CUL4B: variants seen among roughly 807,000 people sequenced by gnomAD.
CUL4B encodes the protein cullin 4B.
In CUL4B, 1 loss-of-function variant was observed where a neutral mutation model predicts 69.2. That is an observed-to-expected ratio of 0.01 (90% CI 0.01 to 0.07). The LOEUF is 0.07. Ranked by LOEUF, CUL4B falls within the 10% of genes least tolerant of loss-of-function variation. The pLI, the probability that CUL4B is intolerant of heterozygous loss-of-function variation, is 1.00. For missense variants in CUL4B, 328 were observed against 638.8 expected (o/e 0.51, Z 5.24); for synonymous variants, 237 against 223.2 (o/e 1.06, Z -0.55).
chrX:120,569,742 C>A (rs1031444319), downstream of CUL4B, among the ~76,000 whole-genome samples: 2 of 111,201 alleles, frequency 1.8e-5, no homozygotes, highest in Admixed American at 9.6e-5. Flanking sequence ...ACTATGAGAA[C>A]GCAGAGGTGG....
downstream of CUL4B, among the ~76,000 whole-genome samples, chrX:120,570,927 T>G (rs1925691366): frequency 9.2e-6 from 1 of 108,786 alleles, no homozygotes; most frequent in South Asian, 4.0e-4. Flanking sequence ...TGATATGGTA[T>G]GCACCTGTAG....
At chrX:120,563,241 G>A (rs1191597082), upstream of CUL4B, among the ~76,000 whole-genome samples, 2 of 111,534 alleles carry the variant, frequency 1.8e-5, no homozygotes, top group East Asian at 2.8e-4. Flanking sequence ...TTTTCATTTT[G>A]TTTTGTTTTG....
At chrX:120,544,964 G>A (rs1924225806) in intron 5 of CUL4B, among the ~76,000 whole-genome samples, 1 of 112,248 alleles carries the variant, frequency 8.9e-6, no homozygotes, top group Non-Finnish European at 1.9e-5. Flanking sequence ...ACATAAAACA[G>A]TTTTCACTGT....
chrX:120,538,703 T>G lies in CUL4B; in HGVS notation c.1809A>C (p.Ala603=). 8.3e-7 allele frequency: 1 copy of G among 1,206,986 alleles called. No individual in the cohort carries two copies. The highest frequency in any genetic ancestry group is 1.1e-6 in the Non-Finnish European group (1 of 891,377). ...LAKRLLVGKS[A]SVDAEKSMLS... ...GCATTGATTTTTCAGCATCTACAGA[T>G]GCACTCTTTCCGACTAACAGGCGCT... The change falls in exon 13 of 20, where the codon GCA becomes GCC. Residue 603 remains alanine (A), a synonymous_variant. Coordinates refer to ENST00000371322, the MANE Select transcript of CUL4B (RefSeq NM_001079872.2).
Position 120,538,756 on chromosome X carries a change from C to T in CUL4B, c.1756G>A (p.Glu586Lys). The T allele has an allele frequency of 8.4e-7, 1 of 1,189,322 alleles. No homozygotes were observed. The highest frequency in any genetic ancestry group is 1.1e-6 in the Non-Finnish European group (1 of 876,093). The change falls in exon 13 of 20, where the codon GAG becomes AAG. Residue 586 changes from glutamate (E) to lysine (K), a missense_variant. Physicochemically the swap from Glu to Lys is moderately conservative, Grantham distance 56 (BLOSUM62 1). Around this residue, in one of 4 missense-constraint regions of CUL4B, gnomAD observed 98 missense variants for 296.8 expected, o/e 0.33. Transcript: ENST00000371322. ...GCTAAATCTTTCTTATAGAAGGCCT[C>T]AAAAACATCCTTGCCTATGTAAAAA... ...FRFIYGKDVF[E>K]AFYKKDLAKR...
In CUL4B at chrX:120,539,796, C is replaced by G. The variant is rs186816190; in HGVS notation, c.1637-424G>C. On this transcript the variant is annotated intron_variant, in intron 11 of 19. Transcript: ENST00000371322. ...TTCTATTAAAATAAACCAGATACATCGTAGAGTAGAAGGTAAAATTTGCTA... is the reference window on the plus strand; with the variant it reads ...TTCTATTAAAATAAACCAGATACATGGTAGAGTAGAAGGTAAAATTTGCTA... 7.2e-4 allele frequency among the ~76,000 whole-genome samples: 81 copies of G among 111,755 alleles called. No individual in the cohort carries two copies. The Admixed American group carries it at 7.3e-3, about 10-fold the overall frequency.
chrX:120,537,148 T>C (rs1923721320), intron 14 of CUL4B, 114 bp from the exon 15 acceptor site: 1 of 564,869 alleles, frequency 1.8e-6, no homozygotes, highest in Non-Finnish European at 3.0e-6. Flanking sequence ...CTGACCATCC[T>C]TAAAATAAAA....
In CUL4B at chrX:120,560,859, G is replaced by C. The variant is rs1569396728; in HGVS notation, c.-221C>G. ...ACACCAGGAGTGAGCAGAACGAGGG[G>C]GGAGAGCGAATGAGGAGGCAGACAG... On this transcript the variant is annotated 5_prime_UTR_variant, in exon 1 of 20. Transcript: ENST00000371322. 1.3e-6 allele frequency: 1 copy of C among 750,479 alleles called. No individual in the cohort carries two copies. The highest frequency in any genetic ancestry group is 1.6e-6 in the Non-Finnish European group (1 of 638,371). The allele number at this position is 750,479 out of a possible 1,213,427, so 61.8% of individuals were successfully genotyped here. A position where few individuals can be genotyped will look rare whatever the true frequency, so the allele number is the denominator to read the frequency against.
At chrX:120,536,879 T>C in intron 15 of CUL4B, 48 bp downstream of exon 15, 3 of 875,166 alleles carry the variant, frequency 3.4e-6, no homozygotes, top group Non-Finnish European at 5.1e-6. Context: ...AAAATGGAAA[T>C]GCTATGATTT....
chrX:120,563,698 A>G (rs771019451), upstream of CUL4B, among the ~76,000 whole-genome samples: 1 of 112,402 alleles, frequency 8.9e-6, no homozygotes, highest in African/African-American at 3.2e-5. Flanking sequence ...CTGTGTCTTT[A>G]TAAGGGAGGA....
upstream of CUL4B, among the ~76,000 whole-genome samples, chrX:120,562,090 A>G (rs955934053): frequency 1.8e-5 from 2 of 111,306 alleles, no homozygotes; most frequent in African/African-American, 6.6e-5. Context: ...CCCACCCAGC[A>G]CTATGCCCAG....
At chrX:120,545,543 A>G in intron 4 of CUL4B, 26 bp from the exon 5 acceptor site, 2 of 1,069,255 alleles carry the variant, frequency 1.9e-6, no homozygotes, top group Non-Finnish European at 2.6e-6. Flanking sequence ...AAAGAAATCA[A>G]ACAAGTTTTG....
intron 3 of CUL4B, among the ~76,000 whole-genome samples, 183 bp downstream of exon 3, chrX:120,546,953 T>C (rs1471517970): frequency 1.8e-5 from 2 of 111,906 alleles, no homozygotes; most frequent in South Asian, 7.4e-4. Context: ...ATACCACACG[T>C]AGTCCTGGAC....
intron 9 of CUL4B, 27 bp downstream of exon 9, chrX:120,542,939 A>G (rs759026954): frequency 9.0e-7 from 1 of 1,116,709 alleles, no homozygotes; most frequent in Non-Finnish European, 1.2e-6. Context: ...TTAAAAAGCA[A>G]TCTCTTATTT....
intron 3 of CUL4B, 23 bp from the exon 4 acceptor site, chrX:120,546,639 T>C: frequency 9.2e-7 from 1 of 1,087,637 alleles, no homozygotes; most frequent in Non-Finnish European, 1.3e-6. Flanking sequence ...TTAAGGATAT[T>C]TTAAAGCGTT....
At chrX:120,536,560 A>G (rs1039836006) in intron 15 of CUL4B, among the ~76,000 whole-genome samples, 27 of 112,450 alleles carry the variant, frequency 2.4e-4, no homozygotes, top group African/African-American at 8.7e-4. Context: ...ACCTGGGAAG[A>G]TGGAAGAAGA....
chrX:120,571,403 A>C (rs754700093), exon 3 of CUL4B: 2 of 111,754 alleles, frequency 1.8e-5, no homozygotes, highest in East Asian at 5.6e-4. Flanking sequence ...ACAAATGACA[A>C]CTAGGATTGA....
At chrX:120,564,361 T>C (rs1925429236), upstream of CUL4B, among the ~76,000 whole-genome samples, 1 of 111,134 alleles carries the variant, frequency 9.0e-6, no homozygotes, top group African/African-American at 3.3e-5. Context: ...ATCCCAAAAC[T>C]TTGGGAGGCT....
intron 1 of CUL4B, 156 bp downstream of exon 1, chrX:120,559,927 A>C: frequency 8.8e-7 from 1 of 1,139,231 alleles, no homozygotes; most frequent in Non-Finnish European, 1.2e-6. Context: ...CGGAAAATGA[A>C]CCCTCCACCA....
Sources: allele counts gnomAD v4.1 joint callset (sites outside exome capture counted in the v4.1 genomes callset), GRCh38; gene constraint gnomAD v4.1.1; regional missense constraint gnomAD v4.1.1; transcripts MANE v1.5; gene names NCBI Gene and HGNC (gene_info 2026-07-23, HGNC 2026-07-21).